The following CDC42 variants were observed in gnomAD, a reference collection of about 807,000 sequenced individuals.
The protein encoded by CDC42 is cell division control protein 42 homolog.
Under a neutral mutation model 20.8 loss-of-function variants are expected in CDC42, and 1 was observed. That is an observed-to-expected ratio of 0.05 (90% CI 0.02 to 0.23). The LOEUF (loss-of-function observed/expected upper bound fraction) is 0.23. Ranked by LOEUF, CDC42 falls within the 10% of genes least tolerant of loss-of-function variation. The pLI is 1.00. For synonymous variants in CDC42, 72 were observed against 84.8 expected (o/e 0.85, Z 0.83); for missense variants, 49 against 227.9 (o/e 0.21, Z 5.05).
At chr1:22,055,075 T>TCCCGAACAGCTGGGACTACAGGCG (rs1645289599) in intron 1 of CDC42, among the ~76,000 whole-genome samples, 1 of 149,830 alleles carries the variant, frequency 6.7e-6, no homozygotes, top group African/African-American at 2.5e-5. Flanking sequence ...TGCCTCAGCC[T>TCCCGAACAGCTGGGACTACAGGCG]CCCGAACAGC....
At chr1:22,054,634 A>G (rs1403005597) in intron 1 of CDC42, among the ~76,000 whole-genome samples, 6 of 151,992 alleles carry the variant, frequency 3.9e-5, no homozygotes, top group Non-Finnish European at 7.4e-5. Context: ...TCTCATTTCT[A>G]TAGAGAACAG....
intron 1 of CDC42, among the ~76,000 whole-genome samples, chr1:22,061,422 AAAAAG>A (rs1203577434): frequency 9.2e-5 from 14 of 151,724 alleles, no homozygotes; most frequent in East Asian, 3.9e-4. Context: ...AAAAAAAAAA[AAAAAG>A]AAACCCTTTA....
At chr1:22,078,393 A>G in intron 1 of CDC42, 36 bp from the exon 2 acceptor site, 3 of 1,005,718 alleles carry the variant, frequency 3.0e-6, no homozygotes, top group Non-Finnish European at 4.5e-6. Context: ...TCCATATGTA[A>G]GTATAAATAA....
intron 1 of CDC42, among the ~76,000 whole-genome samples, chr1:22,057,942 G>T (rs574274324): frequency 6.6e-6 from 1 of 152,116 alleles, no homozygotes; most frequent in South Asian, 2.1e-4. Context: ...GGTCAGGCTG[G>T]TCTGTAACTC....
At chr1:22,065,605 A>G (rs963658158) in intron 1 of CDC42, among the ~76,000 whole-genome samples, 4 of 152,214 alleles carry the variant, frequency 2.6e-5, no homozygotes, top group Non-Finnish European at 5.9e-5. Context: ...GTTGCTTTAT[A>G]TACATTACCT....
intron 2 of CDC42, among the ~76,000 whole-genome samples, chr1:22,079,947 T>C (rs938843354): frequency 1.3e-5 from 2 of 152,150 alleles, no homozygotes; most frequent in African/African-American, 4.8e-5. Flanking sequence ...AAATTTTAAA[T>C]GAACCGATTT....
chr1:22,054,911 A>ATG (rs1645281857), intron 1 of CDC42, among the ~76,000 whole-genome samples: 2 of 13,650 alleles, frequency 1.5e-4, no homozygotes, highest in Non-Finnish European at 3.7e-4. Flanking sequence ...ATATATATAT[A>ATG]TATATATATA....
chr1:22,071,668 A>C (rs900204885), intron 1 of CDC42, among the ~76,000 whole-genome samples: 2 of 152,202 alleles, frequency 1.3e-5, no homozygotes, highest in African/African-American at 4.8e-5. Context: ...GTTTAATCCT[A>C]CAACCAGACT....
intron 1 of CDC42, among the ~76,000 whole-genome samples, chr1:22,064,442 A>G (rs1056786851): frequency 4.0e-5 from 6 of 151,306 alleles, no homozygotes; most frequent in African/African-American, 1.2e-4. Flanking sequence ...ACAGGTGTGC[A>G]TCATCGTGCC....
chr1:22,073,083 T>C (rs1188892035), intron 1 of CDC42, among the ~76,000 whole-genome samples: 1 of 152,198 alleles, frequency 6.6e-6, no homozygotes, highest in African/African-American at 2.4e-5. Context: ...GATCGTTTGC[T>C]CAGGGATTGT....
intron 1 of CDC42, among the ~76,000 whole-genome samples, chr1:22,054,412 C>T (rs56382348): frequency 0.029 from 4,414 of 151,954 alleles, 102 homozygotes; most frequent in African/African-American, 0.061. Context: ...GACAGGGTTT[C>T]GCCATGTTGC....
Position 22,101,144 on chromosome 1 carries a change from C to T in CDC42, c.*9627C>T, listed in dbSNP as rs1361478931. ...ACTCCGTGAACCCTGGTACATATAG[C>T]GTGATAAATCAAGTCCTGTTTTTGC... On this transcript the variant is annotated 3_prime_UTR_variant, in exon 6 of 6. Coordinates refer to ENST00000656825, the MANE Select transcript of CDC42 (RefSeq NM_001791.4). The T allele has an allele frequency of 6.6e-6, 1 of 152,132 alleles. No individual in the cohort carries two copies. Among genetic ancestry groups the T allele is most frequent in the Non-Finnish European group, 1.5e-5 (1 of 68,042 alleles). The allele number at this position is 152,132 out of a possible 1,614,324, so 9.4% of individuals were successfully genotyped here. A position where few individuals can be genotyped will look rare whatever the true frequency, so the allele number is the denominator to read the frequency against.
At chr1:22,086,089 G>A (rs758782661) in intron 3 of CDC42, among the ~76,000 whole-genome samples, 7 of 152,078 alleles carry the variant, frequency 4.6e-5, no homozygotes, top group Non-Finnish European at 1.0e-4. Flanking sequence ...CAGGTGATCC[G>A]CCTGTCTCGG....
rs769221393 is a variant in CDC42, at chr1:22,078,442, T to C, written c.-37T>C. 6.3e-6 allele frequency: 9 copies of C among 1,437,136 alleles called. No homozygotes were observed. Among genetic ancestry groups the C allele is most frequent in the Middle Eastern group, 4.9e-4 (2 of 4,080 alleles). 89.0% of individuals were successfully genotyped at this position (1,437,136 alleles called of 1,614,324 possible). On this transcript the variant is annotated 5_prime_UTR_variant, in exon 2 of 6. Transcript: ENST00000656825. ...ATCTTTTTGCAGGTCATCATCAGAT[T>C]TGAAATATTTAAAGTGGATACAAAA...
rs1645575380 is a variant in CDC42 at position 22,078,556 on chromosome 1, C to T, written c.78C>T (p.Asn26=). 6.2e-7 allele frequency: 1 copy of T among 1,612,862 alleles called. No homozygotes were observed. The highest frequency in any genetic ancestry group is 8.5e-7 in the Non-Finnish European group (1 of 1,179,138). The change falls in exon 2 of 6, where the codon AAC becomes AAT. Residue 26 remains asparagine (N), a synonymous_variant. Coordinates refer to ENST00000656825, the MANE Select transcript of CDC42 (RefSeq NM_001791.4). ...GTCTCCTGATATCCTACACAACAAA[C>T]AAATTTCCATCGGAATATGTACCGA... ...KTCLLISYTT[N]KFPSEYVPTV...
At chr1:22,068,016 A>T (rs1645443145) in intron 1 of CDC42, among the ~76,000 whole-genome samples, 1 of 152,080 alleles carries the variant, frequency 6.6e-6, no homozygotes. Flanking sequence ...AGGAAGGTTG[A>T]CGCTGCAGTG....
intron 5 of CDC42, among the ~76,000 whole-genome samples, chr1:22,091,015 C>G (rs17837990): frequency 6.6e-6 from 1 of 152,174 alleles, no homozygotes; most frequent in Admixed American, 6.5e-5. Flanking sequence ...GCCACTGACC[C>G]GTGCCCGTCC....
intron 1 of CDC42, among the ~76,000 whole-genome samples, chr1:22,075,995 A>G (rs1645545183): frequency 1.3e-5 from 2 of 152,230 alleles, no homozygotes; most frequent in Admixed American, 6.5e-5. Context: ...GGTGAAAAAC[A>G]GGAAATAAGC....
intron 2 of CDC42, chr1:22,078,798 G>T (rs1374842999): frequency 6.9e-7 from 1 of 1,447,410 alleles, no homozygotes; most frequent in Admixed American, 2.1e-5. Flanking sequence ...TGCAAGAAGT[G>T]CTGGGAGGCA....
Sources: allele counts gnomAD v4.1 joint callset (sites outside exome capture counted in the v4.1 genomes callset), GRCh38; gene constraint gnomAD v4.1.1; transcripts MANE v1.5; gene names NCBI Gene and HGNC (gene_info 2026-07-23, HGNC 2026-07-21).